The following CCSER1 variants were observed in gnomAD, a reference collection of about 807,000 sequenced individuals.
CCSER1 encodes serine-rich coiled-coil domain-containing protein 1.
Under a neutral mutation model 82.0 loss-of-function variants are expected in CCSER1, and 41 were observed. That is an observed-to-expected ratio of 0.50 (90% CI 0.39 to 0.65). The LOEUF (loss-of-function observed/expected upper bound fraction) is 0.65, where lower values mean the gene tolerates loss of function less well. Ranked by LOEUF, CCSER1 falls within the 30% of genes least tolerant of loss-of-function variation. CCSER1 has a pLI of 0.00. For synonymous variants in CCSER1, 414 were observed against 383.9 expected (o/e 1.08, Z -0.92); for missense variants, 1,119 against 1,064.2 (o/e 1.05, Z -0.72).
At chr4:91,411,491 CATATATATATATATATAT>C (rs770013398) in intron 10 of CCSER1, among the ~76,000 whole-genome samples, 1,140 of 53,800 alleles carry the variant, frequency 0.021, 75 homozygotes, top group African/African-American at 0.083. Flanking sequence ...TGCATATATA[CATATATATATATATATAT>C]ATATATATAT....
At chr4:90,594,771 C>G (rs992162014) in intron 5 of CCSER1, among the ~76,000 whole-genome samples, 1 of 152,052 alleles carries the variant, frequency 6.6e-6, no homozygotes, top group Middle Eastern at 3.4e-3. Context: ...AATTGAGGTG[C>G]TTTTTAGCCC....
At chr4:90,827,320 T>G (rs1055982759) in intron 8 of CCSER1, among the ~76,000 whole-genome samples, 11 of 152,148 alleles carry the variant, frequency 7.2e-5, no homozygotes, top group Non-Finnish European at 1.5e-5. Flanking sequence ...TCTTCAGAGG[T>G]CAAGTGAGCT....
intron 4 of CCSER1, among the ~76,000 whole-genome samples, chr4:90,406,199 A>G (rs1309327597): frequency 6.6e-6 from 1 of 152,182 alleles, no homozygotes; most frequent in Admixed American, 6.5e-5. Flanking sequence ...AACAAAATTG[A>G]GCAGGAGTAG....
intron 10 of CCSER1, among the ~76,000 whole-genome samples, chr4:91,568,561 A>T (rs1282016601): frequency 6.6e-6 from 1 of 151,436 alleles, no homozygotes; most frequent in Non-Finnish European, 1.5e-5. Flanking sequence ...ATTTTTGTTT[A>T]TTTTTGTCCG....
chr4:91,152,217 A>C (rs890522247), intron 10 of CCSER1, among the ~76,000 whole-genome samples: 8 of 152,034 alleles, frequency 5.3e-5, no homozygotes, highest in Non-Finnish European at 1.0e-4. Context: ...TGATCCCTTT[A>C]CCATTATGTA....
In CCSER1 at chr4:91,594,628, T is replaced by C. The variant is rs903299198; in HGVS notation, c.2218-3944T>C. Reference sequence around the variant, plus strand: ...ACTTCTAAACATATTCCAAAACATGTAGCATAAAATAAACCTAGAATTTTA... The same window carrying C: ...ACTTCTAAACATATTCCAAAACATGCAGCATAAAATAAACCTAGAATTTTA... On this transcript the variant is annotated intron_variant, in intron 10 of 10. Coordinates refer to ENST00000509176, the MANE Select transcript of CCSER1 (RefSeq NM_001145065.2). Among the ~76,000 whole-genome samples, 6 of 151,886 alleles carry C rather than the reference T, an allele frequency of 4.0e-5. No homozygotes were observed. The Admixed American group carries it at 4.0e-4, about 10-fold the overall frequency.
chr4:90,781,688 G>A (rs1753801790), intron 7 of CCSER1: 1 of 971,190 alleles, frequency 1.0e-6, no homozygotes, highest in Non-Finnish European at 1.2e-6. Flanking sequence ...TAGATATTAG[G>A]GACAATAAAA....
intron 4 of CCSER1, among the ~76,000 whole-genome samples, chr4:90,410,354 A>G (rs530461873): frequency 6.6e-5 from 10 of 152,308 alleles, no homozygotes; most frequent in Middle Eastern, 3.4e-3. Context: ...CACCACACCT[A>G]TTCCAAAACT....
At chr4:90,904,910 C>T (rs1021881847) in intron 8 of CCSER1, among the ~76,000 whole-genome samples, 1 of 152,026 alleles carries the variant, frequency 6.6e-6, no homozygotes, top group African/African-American at 2.4e-5. Context: ...CTTCTTCGCC[C>T]ATTCATCCCA....
At position 91,598,746 on chromosome 4, in the gene CCSER1, G is replaced by A. The variant is rs760767540; in HGVS notation, c.2392G>A (p.Glu798Lys). ...LCLSNFLKDK[E>K]LAEVIKHSRG... ...TTTAAGTAATTTCCTGAAGGACAAG[G>A]AACTAGCAGAAGTTATCAAACATTC... Residue 798 changes from glutamate (E) to lysine (K), a missense_variant, in exon 11 of 11, where the codon GAA (glutamate) becomes AAA (lysine). By Grantham distance (56) the Glu-to-Lys change is moderately conservative. Coordinates refer to ENST00000509176, the MANE Select transcript of CCSER1 (RefSeq NM_001145065.2). 3 of 1,551,414 alleles carry A rather than the reference G, an allele frequency of 1.9e-6. No homozygotes were observed. Among genetic ancestry groups the A allele is most frequent in the African/African-American group, 2.7e-5 (2 of 73,006 alleles).
intron 10 of CCSER1, among the ~76,000 whole-genome samples, chr4:91,114,051 A>ATC (rs944224830): frequency 7.9e-5 from 12 of 152,080 alleles, no homozygotes; most frequent in African/African-American, 2.4e-4. Flanking sequence ...ACGGGGTTTC[A>ATC]TCGTGTTAGC....
At chr4:91,557,049 T>G (rs1161199308) in intron 10 of CCSER1, among the ~76,000 whole-genome samples, 2 of 150,930 alleles carry the variant, frequency 1.3e-5, no homozygotes, top group African/African-American at 4.9e-5. Flanking sequence ...TCTGTGACAC[T>G]TTGCTTAAAA....
rs542458759 is a variant in CCSER1, at chr4:90,563,298, G to A, written c.1725-64727G>A. Among the ~76,000 whole-genome samples, 26 of 152,132 alleles carry A rather than the reference G, an allele frequency of 1.7e-4. No homozygotes were observed. In the South Asian group the frequency reaches 5.0e-3, roughly 29 times the overall value. ...AGCTAATTTTTGTATTTTTAATAGA[G>A]ACAGGGTTTCACCATGTTAGCCAGG... On this transcript the variant is annotated intron_variant, in intron 5 of 10. Transcript: ENST00000509176.
At chr4:90,690,710 C>A (rs1212434593) in intron 6 of CCSER1, among the ~76,000 whole-genome samples, 1 of 152,038 alleles carries the variant, frequency 6.6e-6, no homozygotes, top group Admixed American at 6.6e-5. Flanking sequence ...CCTCTTCCAG[C>A]AGCAAGGAGC....
At chr4:91,442,756 G>T (rs1439599339) in intron 10 of CCSER1, among the ~76,000 whole-genome samples, 1 of 145,140 alleles carries the variant, frequency 6.9e-6, no homozygotes, top group Admixed American at 7.0e-5. Flanking sequence ...AATCTACAAT[G>T]AACTCAAACA....
chr4:91,491,948 GTTTTT>G (rs10717215), intron 10 of CCSER1, among the ~76,000 whole-genome samples: 1 of 124,596 alleles, frequency 8.0e-6, no homozygotes, highest in African/African-American at 2.9e-5. Flanking sequence ...ATTGCTAATA[GTTTTT>G]TTTTTTTTTT....
At chr4:90,895,824 C>A (rs1205199977) in intron 8 of CCSER1, among the ~76,000 whole-genome samples, 1 of 151,772 alleles carries the variant, frequency 6.6e-6, no homozygotes, top group Non-Finnish European at 1.5e-5. Context: ...AGCCAGTGAC[C>A]AGACCATGAA....
At chr4:91,422,160 G>T (rs1753714073) in intron 10 of CCSER1, among the ~76,000 whole-genome samples, 1 of 152,012 alleles carries the variant, frequency 6.6e-6, no homozygotes, top group African/African-American at 2.4e-5. Flanking sequence ...TCAGAACTGT[G>T]AGATAATAAA....
intron 9 of CCSER1, among the ~76,000 whole-genome samples, chr4:90,987,255 A>G (rs1228592314): frequency 2.0e-5 from 3 of 151,118 alleles, no homozygotes; most frequent in African/African-American, 7.3e-5. Context: ...AGTATTCAGA[A>G]CAGTGTCTTC....
Sources: gnomAD v4.1 joint callset for allele counts (sites outside exome capture counted in the v4.1 genomes callset) on GRCh38, gnomAD v4.1.1 for gene constraint, MANE v1.5 for transcripts, NCBI Gene and HGNC (gene_info 2026-07-23, HGNC 2026-07-21) for gene names.